Variants in HPS1 observed in about 807,000 individuals in gnomAD.
HPS1 encodes the protein HPS1 biogenesis of lysosomal organelles complex 3 subunit 1.
Under a neutral mutation model 90.6 loss-of-function variants are expected in HPS1, and 59 were observed. That is an observed-to-expected ratio of 0.65 (90% CI 0.53 to 0.81). The LOEUF (loss-of-function observed/expected upper bound fraction) is 0.81. HPS1 is among the 30% of genes least tolerant of loss of function. The probability of loss-of-function intolerance (pLI) is 0.00; values close to 1 mark genes in which losing one functional copy is unlikely to be tolerated. For synonymous variants in HPS1, 388 were observed against 384.4 expected, an observed-to-expected ratio of 1.01 and a Z score of -0.11; for missense variants, 849 against 896.7, an observed-to-expected ratio of 0.95 and a Z score of 0.68.
chr10:98,441,213 T>G (rs1261769620), intron 3 of HPS1, among the ~76,000 whole-genome samples: 1 of 152,150 alleles, frequency 6.6e-6, no homozygotes, highest in Non-Finnish European at 1.5e-5. Flanking sequence ...AAAATTAATC[T>G]GGAAAACATT....
intron 3 of HPS1, among the ~76,000 whole-genome samples, chr10:98,440,650 C>T (rs1450580878): frequency 6.6e-6 from 1 of 151,798 alleles, no homozygotes; most frequent in African/African-American, 2.4e-5. Flanking sequence ...CATTTAAAAA[C>T]TATCTCTTTG....
chr10:98,438,272 G>C (rs766893539), intron 3 of HPS1, among the ~76,000 whole-genome samples: 6 of 152,210 alleles, frequency 3.9e-5, no homozygotes, highest in Admixed American at 6.5e-5. Context: ...ACAGGCAGAG[G>C]TTGGAACAGT....
chr10:98,419,996 C>A (rs759390166), intron 18 of HPS1, 49 bp downstream of exon 18: 5 of 1,090,240 alleles, frequency 4.6e-6, no homozygotes, highest in South Asian at 2.5e-5. Context: ...AGTTACAGAG[C>A]GGGAAGTGTG....
intron 14 of HPS1, 96 bp downstream of exon 14, chr10:98,424,217 T>G: frequency 1.1e-6 from 1 of 916,668 alleles, no homozygotes; most frequent in Non-Finnish European, 1.8e-6. Flanking sequence ...ATTATTTTGC[T>G]GATAAATGAA....
chr10:98,420,014 C>T (rs764372824), intron 18 of HPS1, 31 bp downstream of exon 18: 15 of 1,353,194 alleles, frequency 1.1e-5, no homozygotes, highest in Middle Eastern at 1.8e-4. Flanking sequence ...GTGTGTGGCC[C>T]GTCCTGGCCC....
chr10:98,421,357 C>CATCT (rs1199283034), intron 17 of HPS1, among the ~76,000 whole-genome samples: 11 of 152,160 alleles, frequency 7.2e-5, no homozygotes. Context: ...AAGGTGTATA[C>CATCT]TGCAGAATTA....
At position 98,431,219 on chromosome 10, in the gene HPS1, C is replaced by G. The variant is rs1407796513; in HGVS notation, c.580G>C (p.Ala194Pro). 6.2e-7 allele frequency: 1 copy of G among 1,614,078 alleles called. No individual in the cohort carries two copies. Among genetic ancestry groups the G allele is most frequent in the Non-Finnish European group, 8.5e-7 (1 of 1,180,048 alleles). Residue 194 changes from alanine (A) to proline (P), a missense_variant, in exon 7 of 20, where the codon GCT becomes CCT. Ala to Pro is a conservative substitution (Grantham distance 27). Transcript: ENST00000361490. ...CCCCGCTCGGGGCTGGTGTTGACAG[C>G]CTGGATGACGTGCCGCTCCAGCGCC... The part of the protein sequence containing the change: ...IEALERHVIQ[A>P]VNTSPERGGE...
intron 10 of HPS1, 70 bp from the exon 11 acceptor site, chr10:98,427,334 G>T: frequency 7.4e-7 from 1 of 1,348,430 alleles, no homozygotes; most frequent in Non-Finnish European, 1.0e-6. Flanking sequence ...AACAGCATGG[G>T]GTAGGGGGCC....
intron 14 of HPS1, 46 bp downstream of exon 14, chr10:98,424,267 C>G (rs542116108): frequency 1.4e-6 from 2 of 1,404,724 alleles, no homozygotes; most frequent in Non-Finnish European, 2.0e-6. Flanking sequence ...AGGGAACAGT[C>G]CCCTGGGCAC....
chr10:98,424,547 T>C (rs1486898065), intron 13 of HPS1, among the ~76,000 whole-genome samples, 173 bp from the exon 14 acceptor site: 5 of 151,334 alleles, frequency 3.3e-5, no homozygotes, highest in African/African-American at 1.2e-4. Flanking sequence ...CAGACTTCAG[T>C]GTGCCATGTT....
downstream of HPS1, among the ~76,000 whole-genome samples, chr10:98,415,711 C>T (rs573727080): frequency 1.3e-5 from 2 of 152,342 alleles, no homozygotes; most frequent in East Asian, 1.9e-4. Flanking sequence ...CTTCAGACAC[C>T]GCAGAGGCAG....
At chr10:98,432,552 A>G (rs902378967) in intron 6 of HPS1, among the ~76,000 whole-genome samples, 1 of 152,190 alleles carries the variant, frequency 6.6e-6, no homozygotes, top group Non-Finnish European at 1.5e-5. Context: ...CTCATCTGCT[A>G]TTTAACACAT....
intron 10 of HPS1, 198 bp downstream of exon 10, chr10:98,429,375 T>G (rs1295230323): frequency 6.6e-7 from 1 of 1,522,798 alleles, no homozygotes; most frequent in Non-Finnish European, 8.8e-7. Context: ...TGGAGTGGTC[T>G]TAACAATCCT....
intron 3 of HPS1, among the ~76,000 whole-genome samples, chr10:98,437,239 T>C (rs761549573): frequency 3.1e-4 from 47 of 152,144 alleles, no homozygotes; most frequent in Non-Finnish European, 5.1e-4. Flanking sequence ...ACATGGTAGG[T>C]TCCCAATTAA....
At chr10:98,418,071 T>C in intron 19 of HPS1, 104 bp downstream of exon 19, 1 of 783,284 alleles carries the variant, frequency 1.3e-6, no homozygotes, top group Admixed American at 2.2e-5. Flanking sequence ...GATTTCTGGG[T>C]CTGAGGTAGG....
In HPS1 at chr10:98,419,005, C is replaced by T. The variant is rs537410562; in HGVS notation, c.1858-748G>A. Among the ~76,000 whole-genome samples, 5 of 152,344 alleles carry T rather than the reference C, an allele frequency of 3.3e-5. No individual in the cohort carries two copies. In the East Asian group the frequency reaches 5.8e-4, roughly 18 times the overall value. ...GGCCGGGGGAGCAGAGCTTGGGCTC[C>T]GGCTTCCTCACTTACAGCCTCGGTG... On this transcript the variant is annotated intron_variant, in intron 18 of 19. Transcript: ENST00000361490.
intron 5 of HPS1, among the ~76,000 whole-genome samples, chr10:98,434,529 C>A (rs1436133639): frequency 6.6e-6 from 1 of 151,138 alleles, no homozygotes; most frequent in East Asian, 1.9e-4. Context: ...GCAGCATTTG[C>A]CACTGACACC....
Position 98,435,683 on chromosome 10 carries a change from G to T in HPS1, c.207C>A (p.Tyr69Ter). The T allele has an allele frequency of 6.2e-7, 1 of 1,614,188 alleles. No homozygotes were observed. The highest frequency in any genetic ancestry group is 1.1e-5 in the South Asian group (1 of 91,074). ...TGCCATTTTCCGTGGAGAAGCAGGT[G>T]TAGGTGTCCGAGAGCTTCTCCAGCA... The part of the protein sequence containing the change: ...MTMLEKLSDT[Y>*]TCFSTENGNF... Residue 69 changes from tyrosine to a stop codon, truncating the protein, a stop_gained, in exon 4 of 20, where the codon TAC (tyrosine) becomes TAA (stop). Transcript: ENST00000361490. LOFTEE classifies it high-confidence loss of function. This position sits in a 1 kb window ranked among gnomAD's most constrained non-coding sequence, Gnocchi z 4.3.
downstream of HPS1, among the ~76,000 whole-genome samples, chr10:98,414,478 G>A (rs552378852): frequency 6.0e-4 from 91 of 152,270 alleles, no homozygotes; most frequent in African/African-American, 2.1e-3. Flanking sequence ...CTGCAGACAC[G>A]CAGTAGGAAC....
Sources: gnomAD v4.1 joint callset for allele counts (sites outside exome capture counted in the v4.1 genomes callset) on GRCh38, gnomAD v4.1.1 for gene constraint, Gnocchi (gnomAD v3.1) non-coding constraint, MANE v1.5 for transcripts, NCBI Gene and HGNC (gene_info 2026-07-23, HGNC 2026-07-21) for gene names.